Variants in PDE4D observed in about 807,000 individuals in gnomAD.
PDE4D encodes 3',5'-cyclic-AMP phosphodiesterase 4D.
PDE4D carries 24 observed loss-of-function variants against 87.4 expected under a neutral mutation model. That is an observed-to-expected ratio of 0.27 (90% CI 0.20 to 0.39). PDE4D has a LOEUF of 0.39. Ranked by LOEUF, PDE4D falls within the 10% of genes least tolerant of loss-of-function variation. The pLI, the probability that PDE4D is intolerant of heterozygous loss-of-function variation, is 1.00. For missense variants in PDE4D, 714 were observed against 1,041.0 expected (o/e 0.69, Z 4.32); for synonymous variants, 384 against 383.2 (o/e 1.00, Z -0.02).
chr5:59,893,449 G>T lies in PDE4D; in HGVS notation c.174C>A (p.Pro58=). 2 of 1,518,898 alleles carry T rather than the reference G, an allele frequency of 1.3e-6. No individual in the cohort carries two copies. Among genetic ancestry groups the T allele is most frequent in the Non-Finnish European group, 8.8e-7 (1 of 1,131,348 alleles). 94.1% of individuals were successfully genotyped at this position (1,518,898 alleles called of 1,614,324 possible). Residue 58 remains proline, a synonymous_variant, in exon 1 of 15, where the codon CCC becomes CCA. Coordinates refer to ENST00000340635, the MANE Select transcript of PDE4D (RefSeq NM_001104631.2). ...GCTGGGGCGAGGGTGGCGGCGGCGG[G>T]GGCAGGTGGTGATGGGGATGCAGGA... ...FRLLHPHHHL[P]PPPPPSPQPQ...
intron 1 of PDE4D, among the ~76,000 whole-genome samples, chr5:59,643,568 T>C (rs527422063): frequency 6.6e-6 from 1 of 152,318 alleles, no homozygotes; most frequent in South Asian, 2.1e-4. Context: ...TATTATATAT[T>C]TTTTTCCAGT....
rs367571435 is a variant in PDE4D, at chr5:59,795,281, G to A, written c.455+97887C>T. Reference sequence around the variant, plus strand: ...CTGTCATGTAAGAGGCTCTATATGTGAGGATAGACTTAGGGGGCAGTTGGT... The same window carrying A: ...CTGTCATGTAAGAGGCTCTATATGTAAGGATAGACTTAGGGGGCAGTTGGT... On this transcript the variant is annotated intron_variant, in intron 1 of 14. Transcript: ENST00000340635. Among the ~76,000 whole-genome samples the A allele has an allele frequency of 2.7e-4, 41 of 152,282 alleles. No homozygotes were observed. In the South Asian group the frequency reaches 8.3e-3, roughly 31 times the overall value.
At chr5:59,293,724 G>T (rs1768504501) in intron 1 of PDE4D, among the ~76,000 whole-genome samples, 1 of 152,142 alleles carries the variant, frequency 6.6e-6, no homozygotes, top group African/African-American at 2.4e-5. Flanking sequence ...GTAATGCAGA[G>T]TTCTTGCCCT....
At chr5:59,173,173 G>T (rs974098691) in intron 5 of PDE4D, among the ~76,000 whole-genome samples, 2 of 152,100 alleles carry the variant, frequency 1.3e-5, no homozygotes, top group Non-Finnish European at 2.9e-5. Flanking sequence ...ATCCAAATCA[G>T]ATATTCAGAC....
intron 1 of PDE4D, among the ~76,000 whole-genome samples, chr5:59,496,447 C>A (rs1180151270): frequency 1.3e-5 from 2 of 152,090 alleles, no homozygotes; most frequent in Non-Finnish European, 2.9e-5. Context: ...GGAGCCCTCG[C>A]CAGGGACTCA....
intron 1 of PDE4D, among the ~76,000 whole-genome samples, chr5:59,322,920 T>C (rs1257417557): frequency 6.6e-6 from 1 of 152,080 alleles, no homozygotes; most frequent in Non-Finnish European, 1.5e-5. Context: ...AAGAAGCAAA[T>C]GTCATTGGTA....
At chr5:60,049,177 A>C (rs1582377745) in intron 2 of PDE4D, among the ~76,000 whole-genome samples, 2 of 152,142 alleles carry the variant, frequency 1.3e-5, no homozygotes, top group South Asian at 2.1e-4. Context: ...AGGCTTCTGC[A>C]TTCTTCATGT....
intron 1 of PDE4D, among the ~76,000 whole-genome samples, chr5:59,240,657 A>T (rs1757455593): frequency 6.6e-6 from 1 of 152,154 alleles, no homozygotes; most frequent in South Asian, 2.1e-4. Context: ...GTATCTGTTT[A>T]TGTCATTCTA....
At chr5:59,193,365 G>A in intron 3 of PDE4D, 135 bp downstream of exon 3, 1 of 839,784 alleles carries the variant, frequency 1.2e-6, no homozygotes, top group Non-Finnish European at 1.9e-6. Flanking sequence ...CTTTTGAATT[G>A]CTTGAATGAA....
chr5:60,057,178 A>G (rs74770175), intron 2 of PDE4D, among the ~76,000 whole-genome samples: 5,099 of 152,156 alleles, frequency 0.034, 273 homozygotes, highest in African/African-American at 0.12. Context: ...AGAGATATTT[A>G]GATGATGAAA....
At chr5:60,506,610 A>T (rs1264894575) in intron 1 of PDE4D, among the ~76,000 whole-genome samples, 1 of 152,168 alleles carries the variant, frequency 6.6e-6, no homozygotes, top group Non-Finnish European at 1.5e-5. Context: ...TTTTTTAATC[A>T]GAGAAAGAAC....
At chr5:59,719,354 C>CA (rs1755500901) in intron 1 of PDE4D, among the ~76,000 whole-genome samples, 1 of 152,046 alleles carries the variant, frequency 6.6e-6, no homozygotes, top group Admixed American at 6.6e-5. Flanking sequence ...ATAGTATTTC[C>CA]ACGACACAGA....
At chr5:59,674,177 G>A (rs939630071) in intron 1 of PDE4D, among the ~76,000 whole-genome samples, 3 of 152,116 alleles carry the variant, frequency 2.0e-5, no homozygotes, top group African/African-American at 7.2e-5. Flanking sequence ...CTCATTGTCA[G>A]AATAAAACAT....
chr5:59,779,785 C>T (rs1453145410), intron 1 of PDE4D, among the ~76,000 whole-genome samples: 1 of 152,196 alleles, frequency 6.6e-6, no homozygotes, highest in Non-Finnish European at 1.5e-5. Flanking sequence ...TTACAAAGAA[C>T]ATTCTTGCAA....
intron 1 of PDE4D, among the ~76,000 whole-genome samples, chr5:59,326,154 T>C (rs1184053752): frequency 6.6e-6 from 1 of 151,958 alleles, no homozygotes; most frequent in Admixed American, 6.6e-5. Context: ...CATTAGGAGA[T>C]ATACCTAATG....
At chr5:59,998,001 A>G (rs1763667356) in intron 2 of PDE4D, among the ~76,000 whole-genome samples, 1 of 152,200 alleles carries the variant, frequency 6.6e-6, no homozygotes, top group Admixed American at 6.5e-5. Context: ...TCCACAGGCC[A>G]TCTAGGCCTG....
intron 5 of PDE4D, among the ~76,000 whole-genome samples, chr5:59,154,846 A>G (rs1020342613): frequency 1.3e-5 from 2 of 152,208 alleles, no homozygotes; most frequent in African/African-American, 2.4e-5. Context: ...AAATCTTGCC[A>G]CTGCACTCCA....
At chr5:59,598,576 C>T (rs901770817) in intron 1 of PDE4D, among the ~76,000 whole-genome samples, 27 of 152,270 alleles carry the variant, frequency 1.8e-4, no homozygotes, top group African/African-American at 6.5e-4. Flanking sequence ...GATGAGGCTG[C>T]TGCCTGTGTG....
intron 1 of PDE4D, among the ~76,000 whole-genome samples, chr5:59,349,999 G>C (rs765164524): frequency 3.3e-5 from 5 of 152,110 alleles, no homozygotes; most frequent in Non-Finnish European, 5.9e-5. Context: ...GAATGTTTGA[G>C]ATGGGGCTTT....
Sources: gnomAD v4.1 joint callset for allele counts (sites outside exome capture counted in the v4.1 genomes callset) on GRCh38, gnomAD v4.1.1 for gene constraint, MANE v1.5 for transcripts, NCBI Gene and HGNC (gene_info 2026-07-23, HGNC 2026-07-21) for gene names.